Variants in DLC1 observed in about 807,000 individuals in gnomAD.
DLC1 encodes rho GTPase-activating protein 7.
Under a neutral mutation model 140.3 loss-of-function variants are expected in DLC1, and 54 were observed. The ratio of observed to expected loss-of-function variants is 0.38; its 90% CI spans 0.31 to 0.48. DLC1 has a LOEUF of 0.48. DLC1 is among the 20% of genes least tolerant of loss of function. DLC1 has a pLI of 0.96. For missense variants in DLC1, 2,536 were observed against 1,907.0 expected, an observed-to-expected ratio of 1.33 and a Z score of -6.14; for synonymous variants, 986 against 728.1, an observed-to-expected ratio of 1.35 and a Z score of -5.70.
chr8:13,539,393 G>C (rs1803409034), intron 1 of DLC1, among the ~76,000 whole-genome samples: 1 of 152,086 alleles, frequency 6.6e-6, no homozygotes, highest in East Asian at 1.9e-4. Flanking sequence ...GTAGAGACGG[G>C]GTTTCATCGT....
chr8:13,303,430 T>G (rs1346081223), intron 5 of DLC1, among the ~76,000 whole-genome samples: 2 of 152,176 alleles, frequency 1.3e-5, no homozygotes, highest in Non-Finnish European at 2.9e-5. Context: ...AAATTGTTGT[T>G]CTTAAGGAGG....
At chr8:13,131,460 T>C (rs1822071561) in intron 5 of DLC1, among the ~76,000 whole-genome samples, 1 of 152,296 alleles carries the variant, frequency 6.6e-6, no homozygotes, top group Middle Eastern at 3.4e-3. Flanking sequence ...ATGTCACCAG[T>C]AATCGCCGAA....
intron 2 of DLC1, among the ~76,000 whole-genome samples, chr8:13,451,430 A>C (rs547518267): frequency 6.6e-6 from 1 of 152,246 alleles, no homozygotes; most frequent in East Asian, 1.9e-4. Context: ...TATTGACTGT[A>C]GTCTCCCTGT....
At chr8:13,424,631 G>T (rs1838473355) in intron 2 of DLC1, among the ~76,000 whole-genome samples, 1 of 151,956 alleles carries the variant, frequency 6.6e-6, no homozygotes, top group Non-Finnish European at 1.5e-5. Context: ...GGAGTGCAGT[G>T]CTGCGATCTT....
intron 4 of DLC1, among the ~76,000 whole-genome samples, chr8:13,320,261 A>G (rs1242238388): frequency 2.0e-5 from 3 of 152,154 alleles, no homozygotes; most frequent in Admixed American, 2.0e-4. Flanking sequence ...TTTCTTGCTA[A>G]TATCCATTTG....
At chr8:13,506,863 G>T (rs1461872350) in intron 1 of DLC1, among the ~76,000 whole-genome samples, 1 of 151,926 alleles carries the variant, frequency 6.6e-6, no homozygotes, top group African/African-American at 2.4e-5. Context: ...TTGTTGCTAC[G>T]TGGTGAGGGT....
chr8:13,354,696 G>A (rs1484046958), intron 4 of DLC1, among the ~76,000 whole-genome samples: 2 of 151,630 alleles, frequency 1.3e-5, no homozygotes, highest in African/African-American at 4.8e-5. Context: ...TGTAATCCCA[G>A]CACTTTGGGA....
chr8:13,401,764 A>G (rs1302655898), intron 2 of DLC1, 145 bp from the exon 3 acceptor site: 7 of 1,024,142 alleles, frequency 6.8e-6, no homozygotes, highest in African/African-American at 1.6e-5. Context: ...TGTATCATCA[A>G]TGGGCTCTTC....
At chr8:13,523,598 G>A (rs1802824937) in intron 1 of DLC1, among the ~76,000 whole-genome samples, 1 of 151,854 alleles carries the variant, frequency 6.6e-6, no homozygotes, top group Non-Finnish European at 1.5e-5. Flanking sequence ...TTGACGAGAG[G>A]GTGTGTAAAT....
chr8:13,499,440 A>G lies in DLC1; in HGVS notation c.632T>C (p.Val211Ala), dbSNP rs574422170. 6.2e-7 allele frequency: 1 copy of G among 1,614,028 alleles called. No individual in the cohort carries two copies. Among genetic ancestry groups the G allele is most frequent in the Admixed American group, 1.7e-5 (1 of 59,970 alleles). Residue 211 changes from valine to alanine, a missense_variant, in exon 2 of 18, where the codon GTG becomes GCG. Transcript: ENST00000276297. ...EIKDAPKVNA[V>A]DTLNVKDIAP... ...AATATCTTTCACGTTCAAAGTATCC[A>G]CTGCATTTACTTTGGGTGCATCTTT...
At chr8:13,128,501 A>G (rs760093116) in intron 5 of DLC1, among the ~76,000 whole-genome samples, 2 of 152,336 alleles carry the variant, frequency 1.3e-5, no homozygotes, top group African/African-American at 2.4e-5. Context: ...AAGGGCCACA[A>G]TAGAGAAGTC....
intron 5 of DLC1, among the ~76,000 whole-genome samples, chr8:13,132,205 C>G (rs957344702): frequency 1.4e-5 from 2 of 139,114 alleles, no homozygotes; most frequent in Non-Finnish European, 3.1e-5. Context: ...AAAACCAAAA[C>G]TGTGTGTGTG....
At chr8:13,210,440 T>C (rs904821244) in intron 5 of DLC1, among the ~76,000 whole-genome samples, 13 of 152,312 alleles carry the variant, frequency 8.5e-5, no homozygotes, top group Admixed American at 3.3e-4. Context: ...CAAACTTTTA[T>C]TGGAGATGAA....
In DLC1 at chr8:13,092,873, A is replaced by G. The variant is rs759065037; in HGVS notation, c.3527-48T>C. ...CCATCAGCTTGGTGAATTTGCATGGACATTGCAAGGAAATGTCCCAGAGCA... is the reference window on the plus strand; with the variant it reads ...CCATCAGCTTGGTGAATTTGCATGGGCATTGCAAGGAAATGTCCCAGAGCA... On this transcript the variant is annotated intron_variant, in intron 12 of 17. Coordinates refer to ENST00000276297, the MANE Select transcript of DLC1 (RefSeq NM_182643.3). The G allele has an allele frequency of 1.5e-5, 23 of 1,572,798 alleles. No homozygotes were observed. In the East Asian group the frequency reaches 5.1e-4, roughly 35 times the overall value.
intron 5 of DLC1, among the ~76,000 whole-genome samples, chr8:13,206,868 T>A (rs1585909956): frequency 6.6e-6 from 1 of 151,988 alleles, no homozygotes; most frequent in South Asian, 2.1e-4. Context: ...ATTTTTTTTT[T>A]ACAAAAATCA....
At chr8:13,093,198 C>A (rs975845525) in intron 12 of DLC1, among the ~76,000 whole-genome samples, 1 of 151,876 alleles carries the variant, frequency 6.6e-6, no homozygotes, top group Non-Finnish European at 1.5e-5. Flanking sequence ...AAACACTATA[C>A]ACTTTTGTTT....
intron 1 of DLC1, among the ~76,000 whole-genome samples, chr8:13,532,130 C>G (rs941449712): frequency 1.3e-5 from 2 of 152,176 alleles, no homozygotes; most frequent in Non-Finnish European, 1.5e-5. Flanking sequence ...AGAGGCCAGG[C>G]TCAGTGGCTC....
chr8:13,252,676 C>A (rs79585701), intron 5 of DLC1, among the ~76,000 whole-genome samples: 16,891 of 152,044 alleles, frequency 0.11, 1,136 homozygotes, highest in South Asian at 0.16. Flanking sequence ...GATATATAAC[C>A]TGGAGTTTAA....
intron 4 of DLC1, among the ~76,000 whole-genome samples, chr8:13,345,667 C>G (rs775036131): frequency 6.2e-5 from 9 of 146,006 alleles, no homozygotes; most frequent in Non-Finnish European, 1.2e-4. Context: ...AAGCGGTCCT[C>G]CTGCCTCAGC....
Sources: allele counts gnomAD v4.1 joint callset (sites outside exome capture counted in the v4.1 genomes callset), GRCh38; gene constraint gnomAD v4.1.1; transcripts MANE v1.5; gene names NCBI Gene and HGNC (gene_info 2026-07-23, HGNC 2026-07-21).